WDR41: variants seen among roughly 807,000 people sequenced by gnomAD.
WDR41 encodes WD repeat-containing protein 41.
Under a neutral mutation model 69.3 loss-of-function variants are expected in WDR41, and 63 were observed. The ratio of observed to expected loss-of-function variants is 0.91; its 90% CI spans 0.74 to 1.12. The LOEUF is 1.12. Ranked by LOEUF, WDR41 falls within the 50% of genes most tolerant of loss-of-function variation. WDR41 has a pLI of 0.00. For synonymous variants in WDR41, 185 were observed against 192.1 expected (o/e 0.96, Z 0.31); for missense variants, 543 against 534.5 (o/e 1.02, Z -0.16).
At chr5:77,443,662 A>C (rs955376122) in intron 8 of WDR41, among the ~76,000 whole-genome samples, 1 of 152,046 alleles carries the variant, frequency 6.6e-6, no homozygotes, top group Non-Finnish European at 1.5e-5. Flanking sequence ...TCAAACTACA[A>C]AAGAACCAGA....
At chr5:77,600,817 T>C (rs1744308971) in intron 1 of WDR41, among the ~76,000 whole-genome samples, 1 of 151,872 alleles carries the variant, frequency 6.6e-6, no homozygotes, top group African/African-American at 2.4e-5. Flanking sequence ...AGGGCAGAGT[T>C]TGCAGTGAGC....
intron 9 of WDR41, 130 bp downstream of exon 9, chr5:77,440,683 C>A (rs1799123851): frequency 7.3e-6 from 6 of 821,664 alleles, no homozygotes; most frequent in East Asian, 5.5e-5. Flanking sequence ...AGAAAAAGAC[C>A]ATTTTAAAGC....
intron 8 of WDR41, 67 bp downstream of exon 8, chr5:77,449,693 C>T (rs1017192606): frequency 1.5e-5 from 15 of 999,970 alleles, no homozygotes; most frequent in East Asian, 2.5e-5. Flanking sequence ...AAGCAAGGCT[C>T]GTGTTCAGAG....
chr5:77,524,640 T>A (rs974405241), intron 1 of WDR41, among the ~76,000 whole-genome samples: 5 of 152,166 alleles, frequency 3.3e-5, no homozygotes, highest in Non-Finnish European at 7.3e-5. Flanking sequence ...CTCAAGGCTT[T>A]TTCTGTGAAG....
At chr5:77,489,426 AAT>A (rs1364157027) in intron 2 of WDR41, 29 bp downstream of exon 2, 1 of 1,376,040 alleles carries the variant, frequency 7.3e-7, no homozygotes, top group East Asian at 2.4e-5. Flanking sequence ...CTTCCCAAAC[AAT>A]AGTCAATTAG....
At chr5:77,603,227 C>T (rs759828905) in intron 1 of WDR41, among the ~76,000 whole-genome samples, 5 of 152,162 alleles carry the variant, frequency 3.3e-5, no homozygotes, top group Admixed American at 1.3e-4. Context: ...TGAGCCACTG[C>T]GCCCAGCCCT....
At chr5:77,539,671 C>A (rs79914262) in intron 1 of WDR41, among the ~76,000 whole-genome samples, 1 of 152,126 alleles carries the variant, frequency 6.6e-6, no homozygotes, top group Non-Finnish European at 1.5e-5. Context: ...CCTCTGTTTC[C>A]TGTAAAATGA....
At chr5:77,561,617 A>G (rs569606052) in intron 1 of WDR41, among the ~76,000 whole-genome samples, 109 of 152,292 alleles carry the variant, frequency 7.2e-4, no homozygotes, top group Non-Finnish European at 6.5e-4. Context: ...TGAACTTGAA[A>G]TAAAGTCAGA....
At chr5:77,515,416 T>A (rs1268919191) in intron 1 of WDR41, among the ~76,000 whole-genome samples, 1 of 152,218 alleles carries the variant, frequency 6.6e-6, no homozygotes, top group Non-Finnish European at 1.5e-5. Flanking sequence ...GAAACTGTCA[T>A]CTATTATGAC....
At chr5:77,611,057 C>T (rs954211033) in intron 1 of WDR41, among the ~76,000 whole-genome samples, 1 of 151,974 alleles carries the variant, frequency 6.6e-6, no homozygotes, top group African/African-American at 2.4e-5. Context: ...AAGAGACAAA[C>T]AAGGCCATTA....
intron 1 of WDR41, among the ~76,000 whole-genome samples, chr5:77,569,152 C>T (rs773431980): frequency 3.3e-5 from 5 of 152,046 alleles, no homozygotes; most frequent in Non-Finnish European, 5.9e-5. Context: ...GAAAAATGTT[C>T]CTACAATACT....
chr5:77,470,708 C>G (rs1800550751), intron 2 of WDR41, among the ~76,000 whole-genome samples: 1 of 152,148 alleles, frequency 6.6e-6, no homozygotes, highest in African/African-American at 2.4e-5. Flanking sequence ...GTAAAGGGAT[C>G]AATTCACAAG....
At chr5:77,455,525 A>C (rs1044632340) in intron 5 of WDR41, among the ~76,000 whole-genome samples, 4 of 152,212 alleles carry the variant, frequency 2.6e-5, no homozygotes, top group Non-Finnish European at 5.9e-5. Context: ...TAAGACACCT[A>C]GCCCAAGGTC....
chr5:77,604,049 G>A (rs1214444264), intron 1 of WDR41, among the ~76,000 whole-genome samples: 1 of 152,030 alleles, frequency 6.6e-6, no homozygotes. Context: ...GATCGCTTTG[G>A]CTATTCAGGC....
At chr5:77,520,405 C>T (rs184612936) in intron 1 of WDR41, among the ~76,000 whole-genome samples, 36 of 152,216 alleles carry the variant, frequency 2.4e-4, no homozygotes, top group Admixed American at 1.4e-3. Context: ...GATGTAAGTA[C>T]GGTTAGTTTG....
intron 1 of WDR41, among the ~76,000 whole-genome samples, chr5:77,590,283 C>A (rs1744112691): frequency 6.6e-6 from 1 of 152,142 alleles, no homozygotes; most frequent in Admixed American, 6.5e-5. Context: ...GATTGCCTTA[C>A]CAATGTCTGC....
chr5:77,474,099 G>A (rs1034320092), intron 2 of WDR41, among the ~76,000 whole-genome samples: 10 of 152,144 alleles, frequency 6.6e-5, no homozygotes, highest in Admixed American at 6.6e-4. Flanking sequence ...GGAATACTAT[G>A]CAGCCATAAA....
intron 1 of WDR41, 62 bp downstream of exon 1, chr5:77,492,108 C>A: frequency 6.3e-7 from 1 of 1,587,184 alleles, no homozygotes; most frequent in Non-Finnish European, 8.6e-7. Flanking sequence ...AAGGCCGAAC[C>A]GGAACGAAGC....
At chr5:77,524,945 A>G (rs1802424207) in intron 1 of WDR41, among the ~76,000 whole-genome samples, 1 of 152,238 alleles carries the variant, frequency 6.6e-6, no homozygotes, top group South Asian at 2.1e-4. Context: ...TTCGTTTGCC[A>G]ATTACATTAC....
Sources: gnomAD v4.1 joint callset for allele counts (sites outside exome capture counted in the v4.1 genomes callset) on GRCh38, gnomAD v4.1.1 for gene constraint, MANE v1.5 for transcripts, NCBI Gene and HGNC (gene_info 2026-07-23, HGNC 2026-07-21) for gene names.